ELP4: variants seen among roughly 807,000 people sequenced by gnomAD.
The protein encoded by ELP4 is elongator acetyltransferase complex subunit 4.
In ELP4, 51 loss-of-function variants were observed where a neutral mutation model predicts 48.9. The observed-to-expected ratio is 1.04, with a 90% confidence interval of 0.83 to 1.32. The LOEUF is 1.32. ELP4 is among the 40% of genes most tolerant of loss of function. The probability of loss-of-function intolerance (pLI) is 0.00; values close to 1 mark genes in which losing one functional copy is unlikely to be tolerated. For missense variants in ELP4, 519 were observed against 514.6 expected (o/e 1.01, Z -0.08); for synonymous variants, 210 against 189.2 (o/e 1.11, Z -0.90).
intron 3 of ELP4, among the ~76,000 whole-genome samples, chr11:31,579,877 G>A (rs1957358323): frequency 6.6e-6 from 1 of 151,762 alleles, no homozygotes; most frequent in Non-Finnish European, 1.5e-5. Flanking sequence ...TGGCACATGT[G>A]TACATATGTA....
intron 9 of ELP4, among the ~76,000 whole-genome samples, chr11:31,737,637 A>G (rs1451013275): frequency 6.6e-6 from 1 of 152,152 alleles, no homozygotes; most frequent in Non-Finnish European, 1.5e-5. Flanking sequence ...AATAACAACA[A>G]ACAGATAAAT....
chr11:31,654,743 T>C (rs1335528874), intron 9 of ELP4: 1 of 151,866 alleles, frequency 6.6e-6, no homozygotes, highest in Non-Finnish European at 1.5e-5. Flanking sequence ...GTTTACTTTA[T>C]TTCTTATGCT....
At chr11:31,515,462 A>G (rs1425358096) in intron 1 of ELP4, among the ~76,000 whole-genome samples, 3 of 152,134 alleles carry the variant, frequency 2.0e-5, no homozygotes, top group Non-Finnish European at 4.4e-5. Flanking sequence ...AGCCTGGGCA[A>G]TATAGTGAGA....
At chr11:31,618,096 T>A (rs866554012) in intron 5 of ELP4, among the ~76,000 whole-genome samples, 1 of 152,082 alleles carries the variant, frequency 6.6e-6, no homozygotes, top group Non-Finnish European at 1.5e-5. Flanking sequence ...CCTCAACTGA[T>A]GAGTGGATAA....
intron 2 of ELP4, among the ~76,000 whole-genome samples, chr11:31,525,378 T>C (rs1415870952): frequency 6.6e-6 from 1 of 152,168 alleles, no homozygotes; most frequent in Non-Finnish European, 1.5e-5. Context: ...TCAGCACTGT[T>C]AGGCAAGATA....
chr11:31,642,119 T>C (rs919764361), intron 7 of ELP4, among the ~76,000 whole-genome samples: 1 of 152,120 alleles, frequency 6.6e-6, no homozygotes, highest in Non-Finnish European at 1.5e-5. Flanking sequence ...TATTATACCA[T>C]TATTCTGTCC....
chr11:31,685,807 T>G (rs934075032), intron 9 of ELP4, among the ~76,000 whole-genome samples: 5 of 151,916 alleles, frequency 3.3e-5, no homozygotes, highest in African/African-American at 7.3e-5. Context: ...GGCACACGCC[T>G]GTAGTCCCAG....
At chr11:31,771,619 G>A (rs1379814245) in intron 9 of ELP4, among the ~76,000 whole-genome samples, 1 of 152,164 alleles carries the variant, frequency 6.6e-6, no homozygotes, top group Non-Finnish European at 1.5e-5. Flanking sequence ...CCACCTCACG[G>A]TTTTTCCATT....
chr11:31,770,534 A>T (rs1223494075), intron 9 of ELP4, among the ~76,000 whole-genome samples: 1 of 149,974 alleles, frequency 6.7e-6, no homozygotes, highest in Non-Finnish European at 1.5e-5. Context: ...AGTTCTACTC[A>T]TGTTGGAGCA....
intron 9 of ELP4, among the ~76,000 whole-genome samples, chr11:31,668,675 C>CATGTGTGTGTGTGTGT (rs757792983): frequency 0.083 from 10,059 of 120,724 alleles, 1,228 homozygotes; most frequent in East Asian, 0.11. Flanking sequence ...CCTTTGGTAC[C>CATGTGTGTGTGTGTGT]GTGTGTGTGT....
chr11:31,510,275 T>C, intron 1 of ELP4: 1 of 553,826 alleles, frequency 1.8e-6, no homozygotes, highest in African/African-American at 1.9e-5. Flanking sequence ...TCGTACATGC[T>C]TTTTACCCTG....
intron 9 of ELP4, among the ~76,000 whole-genome samples, chr11:31,770,058 C>A (rs1948105332): frequency 6.6e-6 from 1 of 152,112 alleles, no homozygotes; most frequent in South Asian, 2.1e-4. Flanking sequence ...GACCCCAGTT[C>A]TCTTCTAGTT....
intron 9 of ELP4, chr11:31,663,370 A>G (rs1490065523): frequency 6.6e-6 from 1 of 152,042 alleles, no homozygotes; most frequent in Admixed American, 6.6e-5. Flanking sequence ...GCATGTTTGA[A>G]TACACAGATG....
At chr11:31,583,142 A>G in intron 3 of ELP4, among the ~76,000 whole-genome samples, 1 of 151,866 alleles carries the variant, frequency 6.6e-6, no homozygotes, top group East Asian at 1.9e-4. Context: ...TCCTTTAAAA[A>G]TTTTTCAACC....
At position 31,509,837 on chromosome 11, in the gene ELP4, T is replaced by A; in HGVS notation, c.53T>A (p.Val18Glu). 3 of 1,614,128 alleles carry A rather than the reference T, an allele frequency of 1.9e-6. No homozygotes were observed. Among genetic ancestry groups the A allele is most frequent in the Non-Finnish European group, 2.5e-6 (3 of 1,180,020 alleles). The change falls in exon 1 of 10, where the codon GTG becomes GAG. Residue 18 changes from valine to glutamate, a missense_variant. Val to Glu is a moderately radical substitution (Grantham distance 121). Transcript: ENST00000640961. ...GTTGCCGCGAGTACTGGGTCTGCAGTGGCGACAGCCAGCAAGAGCAACGTC... is the reference window on the plus strand; with the variant it reads ...GTTGCCGCGAGTACTGGGTCTGCAGAGGCGACAGCCAGCAAGAGCAACGTC... ...GSVAASTGSAVATASKSNVTS... is the reference protein window; with the variant it reads ...GSVAASTGSAEATASKSNVTS...
At chr11:31,547,973 G>C (rs1592104924) in intron 3 of ELP4, among the ~76,000 whole-genome samples, 1 of 152,282 alleles carries the variant, frequency 6.6e-6, no homozygotes, top group South Asian at 2.1e-4. Flanking sequence ...ATTAGGTATT[G>C]ATGGGACATA....
Position 31,589,416 on chromosome 11 carries a change from G to A in ELP4, c.382-5354G>A, listed in dbSNP as rs1368339716. Among the ~76,000 whole-genome samples the A allele has an allele frequency of 2.0e-5, 3 of 152,290 alleles. No homozygotes were observed. In the South Asian group the frequency reaches 6.2e-4, roughly 32 times the overall value. The stretch of plus-strand genomic sequence containing the variant: ...CAGATGAAAGTGAAATGGGAATTCA[G>A]AAAAGAGAGAGCTATATATAAATAT... On this transcript the variant is annotated intron_variant, in intron 3 of 9. Coordinates refer to ENST00000640961, the MANE Select transcript of ELP4 (RefSeq NM_019040.5).
intron 9 of ELP4, among the ~76,000 whole-genome samples, chr11:31,700,056 T>A (rs951630645): frequency 6.6e-6 from 1 of 152,076 alleles, no homozygotes; most frequent in Non-Finnish European, 1.5e-5. Context: ...AAATGTTGAT[T>A]TTCTGACTCA....
At chr11:31,639,870 C>T (rs866719831) in intron 7 of ELP4, among the ~76,000 whole-genome samples, 1 of 151,904 alleles carries the variant, frequency 6.6e-6, no homozygotes, top group Non-Finnish European at 1.5e-5. Context: ...TGTTCTTGTT[C>T]ATACTGTTAT....
Sources: gnomAD v4.1 joint callset for allele counts (sites outside exome capture counted in the v4.1 genomes callset) on GRCh38, gnomAD v4.1.1 for gene constraint, MANE v1.5 for transcripts, NCBI Gene and HGNC (gene_info 2026-07-23, HGNC 2026-07-21) for gene names.